DDC: variants seen among roughly 807,000 people sequenced by gnomAD.
The protein encoded by DDC is dopa decarboxylase.
DDC carries 43 observed loss-of-function variants against 60.0 expected under a neutral mutation model. That is an observed-to-expected ratio of 0.72 (90% CI 0.56 to 0.92). The LOEUF (loss-of-function observed/expected upper bound fraction) is 0.92. Among genes scored for constraint, DDC ranks in the 40% least tolerant of loss-of-function variants. DDC has a pLI of 0.00. For synonymous variants in DDC, 232 were observed against 234.6 expected (o/e 0.99, Z 0.10); for missense variants, 573 against 620.2 (o/e 0.92, Z 0.81).
intron 6 of DDC, among the ~76,000 whole-genome samples, chr7:50,514,532 CG>C (rs1563018643): frequency 6.6e-6 from 1 of 152,126 alleles, no homozygotes; most frequent in African/African-American, 2.4e-5. Context: ...TTAAGCTAAT[CG>C]GGGAAGCACC....
chr7:50,491,565 T>C (rs2042998158), intron 9 of DDC, among the ~76,000 whole-genome samples: 1 of 152,162 alleles, frequency 6.6e-6, no homozygotes, highest in African/African-American at 2.4e-5. Flanking sequence ...ACTTGGTGCC[T>C]CAATTTACTA....
intron 1 of DDC, among the ~76,000 whole-genome samples, chr7:50,562,734 C>T (rs1436223443): frequency 6.6e-6 from 1 of 152,184 alleles, no homozygotes; most frequent in African/African-American, 2.4e-5. Flanking sequence ...TGCCCTTCAC[C>T]CTGCACACGG....
intron 1 of DDC, among the ~76,000 whole-genome samples, chr7:50,544,686 G>A (rs2044744472): frequency 6.6e-6 from 1 of 152,056 alleles, no homozygotes; most frequent in African/African-American, 2.4e-5. Context: ...TAAAACTAAT[G>A]CTCTCCTCCC....
chr7:50,525,341 G>A (rs1468743305), intron 6 of DDC, among the ~76,000 whole-genome samples: 5 of 152,180 alleles, frequency 3.3e-5, no homozygotes, highest in African/African-American at 9.7e-5. Context: ...ACCAGTGTCA[G>A]TCTCCTGTCT....
At chr7:50,469,197 G>A (rs970695976) in intron 12 of DDC, among the ~76,000 whole-genome samples, 2 of 147,652 alleles carry the variant, frequency 1.4e-5, no homozygotes, top group Non-Finnish European at 3.0e-5. Context: ...GCCCACCTCG[G>A]CCTCCCAAAG....
At chr7:50,536,321 G>A (rs75581912) in intron 4 of DDC, among the ~76,000 whole-genome samples, 15,255 of 152,176 alleles carry the variant, frequency 0.1, 814 homozygotes, top group Non-Finnish European at 0.12. Context: ...TACATCTCAT[G>A]TCCCCCTAAA....
chr7:50,468,931 ATT>A (rs36005269), intron 12 of DDC, among the ~76,000 whole-genome samples: 1,273 of 86,160 alleles, frequency 0.015, 19 homozygotes, highest in African/African-American at 0.046. Flanking sequence ...CAGTTTCCTC[ATT>A]TTTTTTTTTT....
rs1474517154 is a variant in DDC, at chr7:50,463,103, C to CT, written c.*18+109dup. 4.7e-6 allele frequency: 4 copies of CT among 856,546 alleles called. No individual in the cohort carries two copies. The African/African-American group carries it at 6.7e-5, about 14-fold the overall frequency. The allele number at this position is 856,546 out of a possible 1,614,324, so 53.1% of individuals were successfully genotyped here. ...TATTTTAAGGTGAGGGAAATGCACT[C>CT]TGGCAGCATTGAGTGGCCGGGCTGG... On this transcript the variant is annotated intron_variant, in intron 14 of 14. Transcript: ENST00000444124.
At chr7:50,504,852 A>G (rs2043350473) in intron 6 of DDC, among the ~76,000 whole-genome samples, 1 of 152,242 alleles carries the variant, frequency 6.6e-6, no homozygotes, top group Non-Finnish European at 1.5e-5. Context: ...AGACTTTGGC[A>G]TCAGTTAAGA....
At chr7:50,550,136 T>G (rs1422713242) in intron 1 of DDC, among the ~76,000 whole-genome samples, 1 of 152,142 alleles carries the variant, frequency 6.6e-6, no homozygotes, top group East Asian at 1.9e-4. Flanking sequence ...TGCAGCAAAC[T>G]TCATTGTTAC....
At chr7:50,526,685 A>G (rs919250829) in intron 6 of DDC, among the ~76,000 whole-genome samples, 31 of 152,216 alleles carry the variant, frequency 2.0e-4, no homozygotes, top group Non-Finnish European at 4.0e-4. Context: ...TTTTAAAAAC[A>G]AATTTTTAAA....
chr7:50,477,531 T>C (rs2042672804), intron 10 of DDC: 6 of 456,744 alleles, frequency 1.3e-5, no homozygotes, highest in Non-Finnish European at 2.6e-5. Context: ...GTCCACCTAA[T>C]ACAACCCACG....
At chr7:50,471,138 C>T (rs1228754329) in intron 11 of DDC, among the ~76,000 whole-genome samples, 2 of 152,196 alleles carry the variant, frequency 1.3e-5, no homozygotes, top group East Asian at 3.9e-4. Context: ...ACGCCTGTAA[C>T]CCCAGCACTT....
At chr7:50,472,613 C>T (rs983730614) in intron 11 of DDC, among the ~76,000 whole-genome samples, 2 of 152,158 alleles carry the variant, frequency 1.3e-5, no homozygotes, top group Admixed American at 1.3e-4. Flanking sequence ...ACCTCTGTCT[C>T]CTCCCCTATG....
At chr7:50,509,191 A>G (rs1036824846) in intron 6 of DDC, among the ~76,000 whole-genome samples, 6 of 152,004 alleles carry the variant, frequency 3.9e-5, no homozygotes, top group African/African-American at 1.5e-4. Flanking sequence ...GTGCCGGTGC[A>G]TGGGGCAGTC....
chr7:50,515,673 T>C (rs1406748161), intron 6 of DDC, among the ~76,000 whole-genome samples: 1 of 152,184 alleles, frequency 6.6e-6, no homozygotes. Context: ...AACCATCTGC[T>C]GCCTTCAGGA....
At chr7:50,488,990 GT>G (rs2042943335) in intron 9 of DDC, among the ~76,000 whole-genome samples, 1 of 150,470 alleles carries the variant, frequency 6.6e-6, no homozygotes, top group Non-Finnish European at 1.5e-5. Context: ...AAACTGAATG[GT>G]TTTCTTTGTT....
rs1285285424 is a variant in DDC, at chr7:50,479,865, T to C, written c.945-2A>G. 2 of 1,613,054 alleles carry C rather than the reference T, an allele frequency of 1.2e-6. No individual in the cohort carries two copies. The highest frequency in any genetic ancestry group is 8.5e-7 in the Non-Finnish European group (1 of 1,179,440). On this transcript the variant is annotated splice_acceptor_variant, in intron 9 of 14. Transcript: ENST00000444124. LOFTEE classifies it high-confidence loss of function. ...GTTAAGTCTGTTCTCTTTTTCACCC[T>C]GGTTTTAGAGAACAAATGAAAGGGC... is the stretch of plus-strand genomic sequence containing the variant.
intron 12 of DDC, among the ~76,000 whole-genome samples, chr7:50,469,748 G>A (rs2042486493): frequency 6.6e-6 from 1 of 152,210 alleles, no homozygotes; most frequent in Non-Finnish European, 1.5e-5. Flanking sequence ...AGAGGCTGAG[G>A]TGGGTGGATC....
Sources: gnomAD v4.1 joint callset for allele counts (sites outside exome capture counted in the v4.1 genomes callset) on GRCh38, gnomAD v4.1.1 for gene constraint, MANE v1.5 for transcripts, NCBI Gene and HGNC (gene_info 2026-07-23, HGNC 2026-07-21) for gene names.